FLT3: variants seen among roughly 807,000 people sequenced by gnomAD.
The protein encoded by FLT3 is fms related receptor tyrosine kinase 3.
A neutral mutation model predicts 126.6 loss-of-function variants in FLT3; 46 were observed. The ratio of observed to expected loss-of-function variants is 0.36; its 90% confidence interval spans 0.29 to 0.46. The LOEUF is 0.46. Among genes scored for constraint, FLT3 ranks in the 20% least tolerant of loss-of-function variants. The pLI is 1.00. For synonymous variants in FLT3, 404 were observed against 434.4 expected, an observed-to-expected ratio of 0.93 and a Z score of 0.87; for missense variants, 1,069 against 1,190.3, an observed-to-expected ratio of 0.90 and a Z score of 1.50.
intron 6 of FLT3, 121 bp from the exon 7 acceptor site, chr13:28,049,895 A>G: frequency 8.5e-7 from 1 of 1,183,316 alleles, no homozygotes; most frequent in East Asian, 2.4e-5. Flanking sequence ...AACCACATTA[A>G]TAAAAGAAGC....
chr13:28,009,751 AG>A (rs1593207267), intron 23 of FLT3, among the ~76,000 whole-genome samples: 2 of 152,044 alleles, frequency 1.3e-5, no homozygotes, highest in Non-Finnish European at 2.9e-5. Flanking sequence ...TTGTAGAGAT[AG>A]GGTTTTACCA....
intron 17 of FLT3, among the ~76,000 whole-genome samples, chr13:28,026,305 A>C (rs146708860): frequency 9.4e-4 from 136 of 145,352 alleles, no homozygotes; most frequent in African/African-American, 2.7e-3. Flanking sequence ...AGCCGAGATC[A>C]CACCATTGCA....
intron 23 of FLT3, among the ~76,000 whole-genome samples, chr13:28,012,083 T>C (rs7317159): frequency 0.29 from 43,609 of 151,984 alleles, 6,497 homozygotes; most frequent in African/African-American, 0.35. Context: ...TGTGACCCAC[T>C]GCAATGGGCC....
chr13:28,005,561 T>C (rs1870809943), intron 23 of FLT3, among the ~76,000 whole-genome samples: 1 of 152,144 alleles, frequency 6.6e-6, no homozygotes, highest in South Asian at 2.1e-4. Flanking sequence ...TAGAGTTCCA[T>C]AGTACTGATG....
chr13:28,057,229 C>G lies in FLT3; in HGVS notation c.484+118G>C, dbSNP rs1276467057. On this transcript the variant is annotated intron_variant, in intron 4 of 23. Transcript: ENST00000241453. The stretch of plus-strand genomic sequence containing the variant: ...GACAGGAATCTAATCAATCCAACTA[C>G]GTATCAAGGGAAACCTGAATATGTC... 1.0e-5 allele frequency: 7 copies of G among 667,242 alleles called. No individual in the cohort carries two copies. In the African/African-American group the frequency reaches 1.3e-4, roughly 12 times the overall value. The allele number at this position is 667,242 out of a possible 1,614,324, so 41.3% of individuals were successfully genotyped here. A position where few individuals can be genotyped will look rare whatever the true frequency, so the allele number is the denominator to read the frequency against.
intron 17 of FLT3, 66 bp from the exon 18 acceptor site, chr13:28,025,009 A>T: frequency 1.1e-6 from 1 of 876,728 alleles, no homozygotes; most frequent in Non-Finnish European, 1.9e-6. Context: ...TATTTTAAAA[A>T]TGTAATTCAT....
chr13:28,093,786 T>C (rs1165790259), intron 1 of FLT3, among the ~76,000 whole-genome samples: 2 of 152,204 alleles, frequency 1.3e-5, no homozygotes, highest in Non-Finnish European at 2.9e-5. Context: ...ATTTTCTTTC[T>C]ATATGTCTGA....
chr13:28,024,128 T>C (rs1334493396), intron 18 of FLT3, among the ~76,000 whole-genome samples: 1 of 100,542 alleles, frequency 9.9e-6, no homozygotes, highest in Non-Finnish European at 2.3e-5. Context: ...CCTTTTTTTT[T>C]CTTTCTTTCT....
In FLT3 at chr13:28,033,951, G is replaced by A. The variant is rs757099771; in HGVS notation, c.1878C>T (p.Asn626=). The change falls in exon 15 of 24, where the codon AAC becomes AAT. Residue 626 remains asparagine (N), a synonymous_variant. Transcript: ENST00000241453. The part of the protein sequence containing the change: ...LGSGAFGKVM[N]ATAYGISKTG... ...TTTTGCTAATTCCATAAGCTGTTGC[G>A]TTCATCACTTTTCCAAAAGCACCTG... 21 of 1,614,000 alleles carry A rather than the reference G, an allele frequency of 1.3e-5. No individual in the cohort carries two copies. Among genetic ancestry groups the A allele is most frequent in the East Asian group, 4.5e-5 (2 of 44,884 alleles).
At chr13:28,027,947 G>A (rs1355669543) in intron 16 of FLT3, among the ~76,000 whole-genome samples, 1 of 152,190 alleles carries the variant, frequency 6.6e-6, no homozygotes, top group Non-Finnish European at 1.5e-5. Flanking sequence ...TTAAGCAGGT[G>A]AGAATTATGC....
In FLT3 at chr13:28,014,351, A is replaced by C. The variant is rs1014118528; in HGVS notation, c.2859+101T>G. 3 of 818,132 alleles carry C rather than the reference A, an allele frequency of 3.7e-6. No homozygotes were observed. In the African/African-American group the frequency reaches 5.1e-5, roughly 14 times the overall value. The allele number at this position is 818,132 out of a possible 1,614,324, so 50.7% of individuals were successfully genotyped here. ...GGCAACCCAGAAAAACTGCAATGAG[A>C]ATGACAACTTGGTACCTTTGGTTCA... On this transcript the variant is annotated intron_variant, in intron 23 of 23. Coordinates refer to ENST00000241453, the MANE Select transcript of FLT3 (RefSeq NM_004119.3).
intron 23 of FLT3, among the ~76,000 whole-genome samples, chr13:28,006,728 CTTT>C (rs753656559): frequency 3.8e-5 from 5 of 132,882 alleles, no homozygotes; most frequent in Non-Finnish European, 4.8e-5. Context: ...CCTTTCTTTC[CTTT>C]TTTTTTTTTT....
rs188615916 is a variant in FLT3 at position 28,085,749 on chromosome 13, C to T, written c.43+14719G>A. Among the ~76,000 whole-genome samples the T allele has an allele frequency of 6.3e-4, 94 of 150,390 alleles. 2 individuals are homozygous for T. The East Asian group carries it at 0.015, about 24-fold the overall frequency. ...TTGTCTAACATCATTACCTCTGGCT[C>T]TCTTTTGATTAGTGTTAGAATGGGA... On this transcript the variant is annotated intron_variant, in intron 1 of 23. Transcript: ENST00000241453.
chr13:28,085,067 C>CG (rs963296165), intron 1 of FLT3, among the ~76,000 whole-genome samples: 6 of 151,096 alleles, frequency 4.0e-5, no homozygotes, highest in Non-Finnish European at 7.4e-5. Context: ...ATGTGCAAGC[C>CG]GGGGCGGTGG....
intron 2 of FLT3, among the ~76,000 whole-genome samples, chr13:28,063,627 A>C (rs1194481209): frequency 6.6e-6 from 1 of 152,218 alleles, no homozygotes; most frequent in Non-Finnish European, 1.5e-5. Flanking sequence ...ATATTTCTTC[A>C]GGTGAAGAGC....
At chr13:28,022,563 A>T (rs1351348076) in intron 19 of FLT3, among the ~76,000 whole-genome samples, 1 of 152,154 alleles carries the variant, frequency 6.6e-6, no homozygotes, top group Non-Finnish European at 1.5e-5. Context: ...GTCTTTCCAA[A>T]TTCAGAGAGA....
chr13:28,032,371 C>T (rs1377429606), intron 15 of FLT3, among the ~76,000 whole-genome samples: 1 of 152,194 alleles, frequency 6.6e-6, no homozygotes, highest in East Asian at 1.9e-4. Context: ...GCAAGGCGGT[C>T]CAGGAGCAAG....
intron 1 of FLT3, among the ~76,000 whole-genome samples, chr13:28,083,357 C>T (rs192400722): frequency 1.3e-5 from 2 of 152,270 alleles, no homozygotes; most frequent in Non-Finnish European, 2.9e-5. Flanking sequence ...AGCGGGACAT[C>T]ACCTGTTATC....
intron 15 of FLT3, among the ~76,000 whole-genome samples, chr13:28,033,051 A>G (rs1364501209): frequency 6.6e-6 from 1 of 151,908 alleles, no homozygotes. Flanking sequence ...AGTCTGTTTC[A>G]ACCCACACCT....
Sources: gnomAD v4.1 joint callset for allele counts (sites outside exome capture counted in the v4.1 genomes callset) on GRCh38, gnomAD v4.1.1 for gene constraint, MANE v1.5 for transcripts, NCBI Gene and HGNC (gene_info 2026-07-23, HGNC 2026-07-21) for gene names.